UBL3: variants seen among roughly 807,000 people sequenced by gnomAD.
UBL3 encodes the protein ubiquitin like 3.
In UBL3, 6 loss-of-function variants were observed where a neutral mutation model predicts 18.4. The ratio of observed to expected loss-of-function variants is 0.33; its 90% CI spans 0.18 to 0.64. UBL3 has a LOEUF of 0.64. Ranked by LOEUF, UBL3 falls within the 30% of genes least tolerant of loss-of-function variation. The pLI, the probability that UBL3 is intolerant of heterozygous loss-of-function variation, is 0.76. For synonymous variants in UBL3, 49 were observed against 46.6 expected, an observed-to-expected ratio of 1.05 and a Z score of -0.21; for missense variants, 109 against 142.9, an observed-to-expected ratio of 0.76 and a Z score of 1.21.
chr13:29,846,138 G>A (rs373254598), intron 1 of UBL3, among the ~76,000 whole-genome samples: 51 of 152,062 alleles, frequency 3.4e-4, no homozygotes, highest in African/African-American at 1.1e-3. Context: ...GAATATAGCC[G>A]CATCATGAAC....
intron 2 of UBL3, among the ~76,000 whole-genome samples, chr13:29,772,980 T>C (rs1160790600): frequency 1.3e-5 from 2 of 152,156 alleles, no homozygotes; most frequent in East Asian, 1.9e-4. Context: ...AGTGTTATGA[T>C]AGGGTAAAGG....
intron 1 of UBL3, among the ~76,000 whole-genome samples, chr13:29,830,849 C>G (rs1878752601): frequency 6.6e-6 from 1 of 152,094 alleles, no homozygotes; most frequent in South Asian, 2.1e-4. Flanking sequence ...TGGAAGAAAA[C>G]TACAAGAATT....
At chr13:29,839,318 A>G (rs9550497) in intron 1 of UBL3, among the ~76,000 whole-genome samples, 9,312 of 152,324 alleles carry the variant, frequency 0.061, 405 homozygotes, top group East Asian at 0.17. Context: ...CTAGAAATCA[A>G]TAACAAAAAT....
At chr13:29,793,282 T>C (rs936852114) in intron 1 of UBL3, among the ~76,000 whole-genome samples, 12 of 152,184 alleles carry the variant, frequency 7.9e-5, no homozygotes, top group Admixed American at 6.5e-5. Context: ...TATATGCAGA[T>C]TAGACAATTA....
intron 1 of UBL3, among the ~76,000 whole-genome samples, chr13:29,788,581 T>TA (rs1047649454): frequency 4.6e-5 from 7 of 152,204 alleles, no homozygotes; most frequent in Non-Finnish European, 1.0e-4. Flanking sequence ...ATTTCTATCT[T>TA]ATTCGAATAG....
chr13:29,818,945 T>G (rs563417502), intron 1 of UBL3, among the ~76,000 whole-genome samples: 35 of 152,338 alleles, frequency 2.3e-4, no homozygotes, highest in African/African-American at 7.7e-4. Flanking sequence ...TAATTGCTGC[T>G]AATTTTTAAG....
intron 1 of UBL3, among the ~76,000 whole-genome samples, chr13:29,793,405 T>C (rs898178941): frequency 1.3e-5 from 2 of 152,158 alleles, no homozygotes; most frequent in East Asian, 3.8e-4. Flanking sequence ...TTTGCAAATT[T>C]AGAAACAGGC....
intron 2 of UBL3, 39 bp downstream of exon 2, chr13:29,777,116 A>G: frequency 6.8e-7 from 1 of 1,475,286 alleles, no homozygotes; most frequent in Middle Eastern, 1.8e-4. Context: ...GGGCATAAGA[A>G]TCAACATTAT....
chr13:29,780,429 T>C (rs1877125363), intron 1 of UBL3, among the ~76,000 whole-genome samples: 1 of 144,804 alleles, frequency 6.9e-6, no homozygotes, highest in African/African-American at 2.5e-5. Context: ...ATAAGTTATA[T>C]ATATATATAT....
rs1879321269 is a variant in UBL3, at chr13:29,849,746, G to T, written c.-208C>A. ...AACAATCCCCAGGAGCTGTGTGGCCGGAGCAGGAGGAAACTCCCGGGACAG... is the reference window on the plus strand; with the variant it reads ...AACAATCCCCAGGAGCTGTGTGGCCTGAGCAGGAGGAAACTCCCGGGACAG... On this transcript the variant is annotated 5_prime_UTR_variant, in exon 1 of 5. Coordinates refer to ENST00000380680, the MANE Select transcript of UBL3 (RefSeq NM_007106.4). The T allele has an allele frequency of 3.1e-6, 2 of 641,116 alleles. No homozygotes were observed. Among genetic ancestry groups the T allele is most frequent in the Non-Finnish European group, 5.4e-6 (2 of 372,992 alleles). The allele number at this position is 641,116 out of a possible 1,614,324, so 39.7% of individuals were successfully genotyped here. A position where few individuals can be genotyped will look rare whatever the true frequency, so the allele number is the denominator to read the frequency against.
At position 29,831,903 on chromosome 13, in the gene UBL3, G is replaced by A. The variant is rs559077162; in HGVS notation, c.27+17609C>T. Among the ~76,000 whole-genome samples the A allele has an allele frequency of 2.0e-5, 3 of 151,982 alleles. No individual in the cohort carries two copies. In the East Asian group the frequency reaches 5.8e-4, roughly 29 times the overall value. On this transcript the variant is annotated intron_variant, in intron 1 of 4. Transcript: ENST00000380680. ...CATACAAGTGCACTGTCCAATAATA[G>A]TAGCCACTAGATACACATAGATATT... is the stretch of plus-strand genomic sequence containing the variant.
At chr13:29,806,281 G>GA (rs745530099) in intron 1 of UBL3, among the ~76,000 whole-genome samples, 3 of 152,272 alleles carry the variant, frequency 2.0e-5, no homozygotes, top group South Asian at 2.1e-4. Context: ...GTGCTATAGA[G>GA]AAAAAACCTT....
At chr13:29,800,063 G>C (rs758641428) in intron 1 of UBL3, among the ~76,000 whole-genome samples, 1 of 152,194 alleles carries the variant, frequency 6.6e-6, no homozygotes, top group African/African-American at 2.4e-5. Context: ...AACATCCAAA[G>C]GTTTCAAAAG....
chr13:29,773,861 G>A (rs967432316), intron 2 of UBL3, among the ~76,000 whole-genome samples: 3 of 151,996 alleles, frequency 2.0e-5, no homozygotes, highest in African/African-American at 7.2e-5. Flanking sequence ...ATAGCAGAAG[G>A]GTATGCTAAG....
chr13:29,834,833 C>G (rs1371212537), intron 1 of UBL3, among the ~76,000 whole-genome samples: 3 of 151,570 alleles, frequency 2.0e-5, no homozygotes, highest in Admixed American at 1.3e-4. Context: ...TAGCTGGCTT[C>G]AGGAAAATAA....
intron 1 of UBL3, among the ~76,000 whole-genome samples, chr13:29,798,400 TC>T (rs1877671412): frequency 6.6e-6 from 1 of 151,954 alleles, no homozygotes; most frequent in Admixed American, 6.6e-5. Context: ...GTCAATAAAA[TC>T]CTCAGGGGGC....
chr13:29,844,227 A>G (rs1176563347), intron 1 of UBL3, among the ~76,000 whole-genome samples: 3 of 152,172 alleles, frequency 2.0e-5, no homozygotes, highest in Non-Finnish European at 2.9e-5. Context: ...CTCACAGCCA[A>G]TTCACATAGT....
intron 1 of UBL3, among the ~76,000 whole-genome samples, chr13:29,778,395 C>T (rs935492495): frequency 2.6e-5 from 4 of 152,084 alleles, no homozygotes; most frequent in African/African-American, 9.7e-5. Flanking sequence ...CCCTGTAAGT[C>T]ACAGAAATAC....
chr13:29,835,620 T>C (rs1878940997), intron 1 of UBL3, among the ~76,000 whole-genome samples: 1 of 151,282 alleles, frequency 6.6e-6, no homozygotes, highest in South Asian at 2.1e-4. Flanking sequence ...CTGGGTGCGG[T>C]GGTGCGTGCC....
Sources: allele counts gnomAD v4.1 joint callset (sites outside exome capture counted in the v4.1 genomes callset), GRCh38; gene constraint gnomAD v4.1.1; transcripts MANE v1.5; gene names NCBI Gene and HGNC (gene_info 2026-07-23, HGNC 2026-07-21).